NEMF: variants seen among roughly 807,000 people sequenced by gnomAD.
The protein encoded by NEMF is ribosome quality control complex subunit NEMF.
In NEMF, 89 loss-of-function variants were observed where a neutral mutation model predicts 162.2. The ratio of observed to expected loss-of-function variants is 0.55; its 90% CI spans 0.46 to 0.65. The LOEUF is 0.65. Among genes scored for constraint, NEMF ranks in the 30% least tolerant of loss-of-function variants. NEMF has a pLI of 0.00. For synonymous variants in NEMF, 421 were observed against 404.5 expected, an observed-to-expected ratio of 1.04 and a Z score of -0.49; for missense variants, 1,133 against 1,261.9, an observed-to-expected ratio of 0.90 and a Z score of 1.55.
rs761590249 is a variant in NEMF, at chr14:49,825,851, G to A, written c.1577+16C>T. 1 of 1,478,202 alleles carries A rather than the reference G, an allele frequency of 6.8e-7. No individual in the cohort carries two copies. The highest frequency in any genetic ancestry group is 9.3e-7 in the Non-Finnish European group (1 of 1,070,738). 91.6% of individuals were successfully genotyped at this position (1,478,202 alleles called of 1,614,324 possible). A position where few individuals can be genotyped will look rare whatever the true frequency, so the allele number is the denominator to read the frequency against. Reference sequence around the variant, plus strand: ...ATAAAAACAAAAACTGTATTTGAAAGAGACAGAACACTTACCAATATACTT... The same window carrying A: ...ATAAAAACAAAAACTGTATTTGAAAAAGACAGAACACTTACCAATATACTT... On this transcript the variant is annotated intron_variant, in intron 16 of 32. Coordinates refer to ENST00000298310, the MANE Select transcript of NEMF (RefSeq NM_004713.6).
At chr14:49,789,424 G>C in intron 27 of NEMF, 72 bp downstream of exon 27, 1 of 1,607,222 alleles carries the variant, frequency 6.2e-7, no homozygotes, top group Non-Finnish European at 8.5e-7. Flanking sequence ...TTGAATGCCT[G>C]TCATACGCTA....
At chr14:49,849,635 G>A (rs1399875586) in intron 3 of NEMF, 1 of 152,184 alleles carries the variant, frequency 6.6e-6, no homozygotes, top group Non-Finnish European at 1.5e-5. Flanking sequence ...TGACCTATTA[G>A]TGTAGTCTGA....
intron 4 of NEMF, among the ~76,000 whole-genome samples, chr14:49,843,952 A>G (rs1893340487): frequency 1.3e-5 from 2 of 152,110 alleles, no homozygotes; most frequent in Non-Finnish European, 2.9e-5. Flanking sequence ...TACAAAAATT[A>G]GCTGGGCATG....
Position 49,844,539 on chromosome 14 carries a change from G to C in NEMF, c.357+1601C>G, listed in dbSNP as rs546888547. 3.3e-5 allele frequency among the ~76,000 whole-genome samples: 5 copies of C among 152,190 alleles called. No individual in the cohort carries two copies. The South Asian group carries it at 1.0e-3, about 32-fold the overall frequency. ...AGCATGCAGGACTGAAAACTGCTCT[G>C]GGTGAGTGACAGTGAGTAAATGTGA... On this transcript the variant is annotated intron_variant, in intron 4 of 32. Coordinates refer to ENST00000298310, the MANE Select transcript of NEMF (RefSeq NM_004713.6).
chr14:49,831,910 TG>T, intron 10 of NEMF, 140 bp downstream of exon 10: 1 of 600,052 alleles, frequency 1.7e-6, no homozygotes, highest in Non-Finnish European at 2.9e-6. Flanking sequence ...CAGCTGTATC[TG>T]TGACGACACT....
At chr14:49,810,625 C>T (rs1474200045) in intron 18 of NEMF, among the ~76,000 whole-genome samples, 1 of 152,100 alleles carries the variant, frequency 6.6e-6, no homozygotes, top group Non-Finnish European at 1.5e-5. Context: ...ACTGCTTTCG[C>T]TAATCTGAGT....
At chr14:49,792,681 G>A (rs557350626) in intron 26 of NEMF, among the ~76,000 whole-genome samples, 5 of 152,248 alleles carry the variant, frequency 3.3e-5, no homozygotes, top group African/African-American at 1.2e-4. Context: ...CTGACTAACA[G>A]ATAAAATAAT....
rs1265184115 is a variant in NEMF, at chr14:49,800,560, C to T, written c.2232G>A (p.Gln744=). The change falls in exon 23 of 33, where the codon CAG becomes CAA. Residue 744 remains glutamine (Q), a synonymous_variant. Coordinates refer to ENST00000298310, the MANE Select transcript of NEMF (RefSeq NM_004713.6). ...GRDELNEELI[Q]EESSEDEGEY... ...CTCCTTCGTCTTCAGAGCTTTCTTC[C>T]TGAATGAGCTCCTCATTTAGTTCAT... 3 of 1,613,988 alleles carry T rather than the reference C, an allele frequency of 1.9e-6. No individual in the cohort carries two copies. Among genetic ancestry groups the T allele is most frequent in the South Asian group, 2.2e-5 (2 of 91,084 alleles).
intron 4 of NEMF, among the ~76,000 whole-genome samples, chr14:49,844,206 G>A (rs941657011): frequency 1.3e-5 from 2 of 151,992 alleles, no homozygotes; most frequent in African/African-American, 4.8e-5. Context: ...GGGGTGCAGG[G>A]GTATGGTTTC....
At chr14:49,827,669 T>C (rs893615668) in intron 15 of NEMF, among the ~76,000 whole-genome samples, 1 of 151,942 alleles carries the variant, frequency 6.6e-6, no homozygotes, top group Admixed American at 6.6e-5. Flanking sequence ...AAAAATTAGC[T>C]GGGTGTGGTG....
chr14:49,791,415 G>T (rs1030416543), intron 26 of NEMF, among the ~76,000 whole-genome samples: 1 of 151,932 alleles, frequency 6.6e-6, no homozygotes, highest in African/African-American at 2.4e-5. Flanking sequence ...CTGTATCTGA[G>T]TGGTGGTTTC....
chr14:49,815,418 T>C (rs1891669441), intron 16 of NEMF, among the ~76,000 whole-genome samples: 1 of 152,212 alleles, frequency 6.6e-6, no homozygotes, highest in South Asian at 2.1e-4. Flanking sequence ...GAGTATATTA[T>C]CTGTATGACA....
At chr14:49,836,509 C>A (rs1555351497) in intron 6 of NEMF, among the ~76,000 whole-genome samples, 1 of 151,882 alleles carries the variant, frequency 6.6e-6, no homozygotes, top group Non-Finnish European at 1.5e-5. Context: ...AAAAATTAGC[C>A]AGGAGTTCAT....
Position 49,802,716 on chromosome 14 carries a change from A to T in NEMF, c.1927T>A (p.Phe643Ile). 1 of 1,610,994 alleles carries T rather than the reference A, an allele frequency of 6.2e-7. No homozygotes were observed. The highest frequency in any genetic ancestry group is 2.2e-5 in the East Asian group (1 of 44,812). The change falls in exon 21 of 33, where the codon TTT becomes ATT. Residue 643 changes from phenylalanine to isoleucine, a missense_variant. By Grantham distance (21) the Phe-to-Ile change is conservative (BLOSUM62 0). Around this residue, in one of 3 missense-constraint regions of NEMF, gnomAD observed 532 missense variants for 578.6 expected, o/e 0.92. Coordinates refer to ENST00000298310, the MANE Select transcript of NEMF (RefSeq NM_004713.6). ...GSFMIRGKKN[F>I]LPPSYLMMGF... The stretch of plus-strand genomic sequence containing the variant: ...ATCATTAGATATGAGGGAGGAAGAA[A>T]ATTCTTTTTTCCTACAAAAGATAAC...
chr14:49,791,752 A>G (rs983332305), intron 26 of NEMF, among the ~76,000 whole-genome samples: 74 of 150,190 alleles, frequency 4.9e-4, no homozygotes, highest in Non-Finnish European at 7.6e-4. Context: ...AAAAAAAAAA[A>G]AAAAAAATTC....
chr14:49,845,474 T>C (rs1013450232), intron 4 of NEMF, among the ~76,000 whole-genome samples: 4 of 152,208 alleles, frequency 2.6e-5, no homozygotes, highest in Non-Finnish European at 5.9e-5. Context: ...TAAATTAACC[T>C]TTGCTTCCTG....
Position 49,801,504 on chromosome 14 carries a change from G to C in NEMF, c.2096-808C>G, listed in dbSNP as rs1890955424. 5 of 147,776 alleles carry C rather than the reference G, an allele frequency of 3.4e-5. No homozygotes were observed. In the South Asian group the frequency reaches 8.6e-4, roughly 25 times the overall value. 9.2% of individuals were successfully genotyped at this position (147,776 alleles called of 1,614,324 possible). On this transcript the variant is annotated intron_variant, in intron 22 of 32. Transcript: ENST00000298310. ...TCCCTCTCGGGGGGAAAAAAAAAAA[G>C]AAAAGAATGTAAATAAGGCACTTTA...
At position 49,786,746 on chromosome 14, in the gene NEMF, T is replaced by A. The variant is rs201822948; in HGVS notation, c.2900A>T (p.Glu967Val). 95 of 1,613,178 alleles carry A rather than the reference T, an allele frequency of 5.9e-5. No individual in the cohort carries two copies. Among genetic ancestry groups the A allele is most frequent in the Non-Finnish European group, 7.5e-5 (88 of 1,179,358 alleles). ...ATTTCCCTGTTGATCCAGATCTTGC[T>A]CTTCCTGTTCCGAACATATAAAAAT... ...AVDDPHDDKE[E>V]QDLDQQGNEE... Residue 967 changes from glutamate (E) to valine (V), a missense_variant, in exon 29 of 33, where the codon GAG becomes GTG. Glu to Val is a moderately radical substitution (Grantham distance 121). This residue lies in a region of NEMF where 532 missense variants were observed against 578.6 expected (regional missense o/e 0.92). Transcript: ENST00000298310.
At position 49,826,269 on chromosome 14, in the gene NEMF, G is replaced by C. The variant is rs184285907; in HGVS notation, c.1489-314C>G. Among the ~76,000 whole-genome samples the C allele has an allele frequency of 1.6e-4, 25 of 152,248 alleles. No individual in the cohort carries two copies. The East Asian group carries it at 4.4e-3, about 27-fold the overall frequency. On this transcript the variant is annotated intron_variant, in intron 15 of 32. Transcript: ENST00000298310. ...CTATCATATGCTTGGTTCTAGGCTA[G>C]ATGCCATTAGAGATATAAGAGTGAA...
Sources: gnomAD v4.1 joint callset for allele counts (sites outside exome capture counted in the v4.1 genomes callset) on GRCh38, gnomAD v4.1.1 for gene constraint, gnomAD v4.1.1 regional missense constraint, MANE v1.5 for transcripts, NCBI Gene and HGNC (gene_info 2026-07-23, HGNC 2026-07-21) for gene names.